ATL1: variants seen among roughly 807,000 people sequenced by gnomAD.
ATL1 encodes the protein atlastin-1.
ATL1 carries 31 observed loss-of-function variants against 75.5 expected under a neutral mutation model. The ratio of observed to expected loss-of-function variants is 0.41; its 90% CI spans 0.31 to 0.55. The LOEUF is 0.55. Among genes scored for constraint, ATL1 ranks in the 20% least tolerant of loss-of-function variants. The probability of loss-of-function intolerance (pLI) is 0.27; values close to 1 mark genes in which losing one functional copy is unlikely to be tolerated. For synonymous variants in ATL1, 226 were observed against 233.3 expected, an observed-to-expected ratio of 0.97 and a Z score of 0.28; for missense variants, 405 against 662.6, an observed-to-expected ratio of 0.61 and a Z score of 4.27.
chr14:50,570,377 CTT>C (rs2038943836), intron 1 of ATL1, among the ~76,000 whole-genome samples: 1 of 151,874 alleles, frequency 6.6e-6, no homozygotes. Context: ...TTTTAAGCTT[CTT>C]TTTTTCTTCT....
chr14:50,624,286 C>T (rs756180151), intron 11 of ATL1, among the ~76,000 whole-genome samples: 28 of 152,036 alleles, frequency 1.8e-4, no homozygotes, highest in African/African-American at 5.8e-4. Flanking sequence ...AGTCTATTGA[C>T]GCCCTTTCTC....
chr14:50,613,248 T>C lies in ATL1; in HGVS notation c.631-11T>C. ...AAGTCCTCATATCAATCCTTTCTTA[T>C]TATTTTTTAGAGTCTGATATTTCTT... On this transcript the variant is annotated splice_polypyrimidine_tract_variant and intron_variant, in intron 6 of 13. Transcript: ENST00000358385. 1 of 1,604,704 alleles carries C rather than the reference T, an allele frequency of 6.2e-7. No homozygotes were observed. The highest frequency in any genetic ancestry group is 8.5e-7 in the Non-Finnish European group (1 of 1,172,384).
upstream of ATL1, among the ~76,000 whole-genome samples, chr14:50,557,361 T>C (rs887335084): frequency 6.6e-6 from 1 of 152,206 alleles, no homozygotes; most frequent in Non-Finnish European, 1.5e-5. Flanking sequence ...ATCTCATTGG[T>C]TTCTGGTTTA....
chr14:50,593,759 T>C, intron 4 of ATL1, 87 bp from the exon 5 acceptor site: 1 of 860,984 alleles, frequency 1.2e-6, no homozygotes, highest in Non-Finnish European at 2.0e-6. Context: ...TTGTGGTAAC[T>C]GATATTTTTA....
At chr14:50,560,435 C>T (rs2038823448) in intron 1 of ATL1, 136 bp downstream of exon 1, 1 of 1,202,218 alleles carries the variant, frequency 8.3e-7, no homozygotes. Flanking sequence ...GTAGCCGAGC[C>T]GCTCCCTGTT....
intron 13 of ATL1, among the ~76,000 whole-genome samples, chr14:50,630,562 ACT>A (rs1195457833): frequency 6.6e-6 from 1 of 152,058 alleles, no homozygotes; most frequent in Non-Finnish European, 1.5e-5. Flanking sequence ...CTCAGAAAAG[ACT>A]CTAGGCATCC....
At chr14:50,534,220 A>C (rs1164840416) in intron 1 of ATL1, among the ~76,000 whole-genome samples, 3 of 152,194 alleles carry the variant, frequency 2.0e-5, no homozygotes, top group Non-Finnish European at 4.4e-5. Context: ...AGGGAATTTC[A>C]GGCAGCACAC....
intron 11 of ATL1, 23 bp from the exon 12 acceptor site, chr14:50,628,008 A>G (rs765478686): frequency 6.2e-7 from 1 of 1,613,958 alleles, no homozygotes; most frequent in South Asian, 1.1e-5. Flanking sequence ...TTGCATAAAC[A>G]AATACTTCTC....
chr14:50,584,913 CTT>C (rs2039088756), intron 1 of ATL1, among the ~76,000 whole-genome samples: 1 of 151,932 alleles, frequency 6.6e-6, no homozygotes, highest in South Asian at 2.1e-4. Flanking sequence ...AAGGCAAACT[CTT>C]AGAAACTAGA....
At chr14:50,535,495 C>T (rs985570134) in intron 1 of ATL1, among the ~76,000 whole-genome samples, 9 of 152,218 alleles carry the variant, frequency 5.9e-5, no homozygotes, top group Non-Finnish European at 1.2e-4. Context: ...GTTGACTGCT[C>T]TATAGATCTG....
chr14:50,567,247 A>G (rs552338172), intron 1 of ATL1, among the ~76,000 whole-genome samples: 2 of 152,166 alleles, frequency 1.3e-5, no homozygotes, highest in African/African-American at 2.4e-5. Context: ...GCTTTTTCAC[A>G]TAGCAAAATG....
At chr14:50,578,847 A>G (rs114026511) in intron 1 of ATL1, among the ~76,000 whole-genome samples, 53 of 152,322 alleles carry the variant, frequency 3.5e-4, no homozygotes, top group African/African-American at 1.2e-3. Context: ...TCAGGAATAC[A>G]TATATTTGTG....
In ATL1 at chr14:50,560,208, C is replaced by A. The variant is rs2038818253; in HGVS notation, c.-58C>A. The A allele has an allele frequency of 1.2e-6, 2 of 1,606,402 alleles. No homozygotes were observed. The highest frequency in any genetic ancestry group is 8.5e-7 in the Non-Finnish European group (1 of 1,176,140). On this transcript the variant is annotated 5_prime_UTR_variant, in exon 1 of 14. Coordinates refer to ENST00000358385, the MANE Select transcript of ATL1 (RefSeq NM_015915.5). ...CTCCCACCGCCAGCAACCTGCGGCC[C>A]CGGAGAAGGCAGCGAGCGCAGTGAC...
chr14:50,597,479 A>C (rs1408730752), intron 6 of ATL1, among the ~76,000 whole-genome samples: 1 of 152,110 alleles, frequency 6.6e-6, no homozygotes, highest in East Asian at 1.9e-4. Flanking sequence ...TTAAAGTAGT[A>C]TTTACTACCG....
At chr14:50,589,282 C>G (rs975405425) in intron 2 of ATL1, among the ~76,000 whole-genome samples, 1 of 151,702 alleles carries the variant, frequency 6.6e-6, no homozygotes, top group Non-Finnish European at 1.5e-5. Context: ...CCTCAGCCTC[C>G]CAAGTAGCTG....
At chr14:50,620,323 G>A (rs932870174) in intron 8 of ATL1, among the ~76,000 whole-genome samples, 2 of 152,216 alleles carry the variant, frequency 1.3e-5, no homozygotes, top group South Asian at 2.1e-4. Context: ...TACATACAAA[G>A]CATACATGTA....
chr14:50,548,861 C>T (rs2140156798), intron 1 of ATL1, among the ~76,000 whole-genome samples: 1 of 152,254 alleles, frequency 6.6e-6, no homozygotes, highest in South Asian at 2.1e-4. Context: ...CCTAGAGCAA[C>T]AGCTATTAGC....
chr14:50,600,217 C>A, intron 6 of ATL1, among the ~76,000 whole-genome samples: 3 of 143,528 alleles, frequency 2.1e-5, no homozygotes, highest in African/African-American at 2.6e-5. Context: ...TCCAATAAAA[C>A]AGATGAGAGA....
intron 6 of ATL1, among the ~76,000 whole-genome samples, chr14:50,608,313 G>T (rs986761167): frequency 1.3e-5 from 2 of 151,940 alleles, no homozygotes; most frequent in African/African-American, 4.8e-5. Context: ...ATTATCTAGG[G>T]AGGGGTGGGG....
Sources: gnomAD v4.1 joint callset for allele counts (sites outside exome capture counted in the v4.1 genomes callset) on GRCh38, gnomAD v4.1.1 for gene constraint, MANE v1.5 for transcripts, NCBI Gene and HGNC (gene_info 2026-07-23, HGNC 2026-07-21) for gene names.